Variants in CLTCL1 observed in about 807,000 individuals in gnomAD.
CLTCL1 encodes the protein clathrin heavy chain like 1.
Under a neutral mutation model 190.0 loss-of-function variants are expected in CLTCL1, and 159 were observed. That is an observed-to-expected ratio of 0.84 (90% CI 0.74 to 0.95). CLTCL1 has a LOEUF of 0.95. Among genes scored for constraint, CLTCL1 ranks in the 40% least tolerant of loss-of-function variants. CLTCL1 has a pLI of 0.00. For synonymous variants in CLTCL1, 752 were observed against 769.6 expected (o/e 0.98, Z 0.38); for missense variants, 1,878 against 2,033.4 (o/e 0.92, Z 1.47).
chr22:19,291,685 T>C lies in CLTCL1; in HGVS notation c.-44A>G, dbSNP rs375418224. On this transcript the variant is annotated 5_prime_UTR_variant, in exon 1 of 33. Transcript: ENST00000427926. The stretch of plus-strand genomic sequence containing the variant: ...GCGGCGGCGGCGGCAGCGGCAGGAA[T>C]GAACGCCGACCCCTCGCGCGGGCTG... 162 of 1,340,368 alleles carry C rather than the reference T, an allele frequency of 1.2e-4. 2 individuals are homozygous for C. The East Asian group carries it at 3.0e-3, about 25-fold the overall frequency. 83.0% of individuals were successfully genotyped at this position (1,340,368 alleles called of 1,614,324 possible). A position where few individuals can be genotyped will look rare whatever the true frequency, so the allele number is the denominator to read the frequency against.
intron 2 of CLTCL1, among the ~76,000 whole-genome samples, chr22:19,270,656 G>C (rs2146254028): frequency 6.6e-6 from 1 of 150,718 alleles, no homozygotes; most frequent in Non-Finnish European, 1.5e-5. Flanking sequence ...GAACCCGGGA[G>C]GCAGAGGTTG....
chr22:19,196,856 C>A (rs888861107), intron 24 of CLTCL1, among the ~76,000 whole-genome samples, 200 bp from the exon 25 acceptor site: 1 of 152,132 alleles, frequency 6.6e-6, no homozygotes, highest in African/African-American at 2.4e-5. Flanking sequence ...CTGACAATTA[C>A]CAGTGGCACA....
intron 1 of CLTCL1, among the ~76,000 whole-genome samples, chr22:19,280,653 T>G (rs1219418344): frequency 6.6e-6 from 1 of 151,390 alleles, no homozygotes; most frequent in Non-Finnish European, 1.5e-5. Flanking sequence ...ACCCTGTCTC[T>G]ATCAAAAATA....
In CLTCL1 at chr22:19,235,168, CT is replaced by C. The variant is rs546447360; in HGVS notation, c.970-463del. ...TATAGGAATCAGCCACTGTTCCCGA[CT>C]TTTTTTTTTTTTTCCCCTGAGACAG... is the stretch of plus-strand genomic sequence containing the variant. On this transcript the variant is annotated intron_variant, in intron 6 of 32. Transcript: ENST00000427926. 4.0e-3 allele frequency among the ~76,000 whole-genome samples: 569 copies of C among 143,174 alleles called. 3 individuals carry two copies. Among genetic ancestry groups the C allele is most frequent in the African/African-American group, 7.8e-3 (306 of 39,298 alleles). 93.9% of individuals were successfully genotyped at this position (143,174 alleles called of 152,430 possible). A position where few individuals can be genotyped will look rare whatever the true frequency, so the allele number is the denominator to read the frequency against.
chr22:19,196,721 C>A, intron 24 of CLTCL1, 65 bp from the exon 25 acceptor site: 1 of 1,544,538 alleles, frequency 6.5e-7, no homozygotes, highest in East Asian at 2.4e-5. Context: ...ACCCTCCAGC[C>A]CATGCCCACG....
At chr22:19,227,842 G>A (rs1213213457) in intron 11 of CLTCL1, among the ~76,000 whole-genome samples, 2 of 152,042 alleles carry the variant, frequency 1.3e-5, no homozygotes, top group African/African-American at 4.8e-5. Flanking sequence ...TGCTCACCTT[G>A]GCCTCCAAAA....
chr22:19,262,539 G>A (rs1258469333), intron 2 of CLTCL1, among the ~76,000 whole-genome samples: 1 of 151,340 alleles, frequency 6.6e-6, no homozygotes, highest in Non-Finnish European at 1.5e-5. Context: ...GGCTGAGGCA[G>A]GAGAATGGCA....
Position 19,207,542 on chromosome 22 carries a change from G to A in CLTCL1, c.3600+612C>T, listed in dbSNP as rs7364179. 5.6e-3 allele frequency: 2,242 copies of A among 401,858 alleles called. 41 individuals are homozygous for A. The highest frequency in any genetic ancestry group is 0.042 in the African/African-American group (2,054 of 48,682). 24.9% of individuals were successfully genotyped at this position (401,858 alleles called of 1,614,324 possible). ...CTTCCTCGTGTGGCTTGCTTCTCAT[G>A]ATCTTTATCTGCATCACACTAAAGC... On this transcript the variant is annotated intron_variant, in intron 22 of 32. Coordinates refer to ENST00000427926, the MANE Select transcript of CLTCL1 (RefSeq NM_007098.4).
rs1186363957 is a variant in CLTCL1 at position 19,259,385 on chromosome 22, C to T, written c.251-5158G>A. On this transcript the variant is annotated intron_variant, in intron 2 of 32. Transcript: ENST00000427926. ...CCTCCCAAAGTGCTGGGATTACAGG[C>T]GTTTTTTTTGTTTTGTGAACAACAA... Among the ~76,000 whole-genome samples, 16 of 152,052 alleles carry T rather than the reference C, an allele frequency of 1.1e-4. No homozygotes were observed. In the East Asian group the frequency reaches 1.9e-3, roughly 18 times the overall value.
Position 19,202,118 on chromosome 22 carries a change from T to C in CLTCL1, c.3601-625A>G, listed in dbSNP as rs2084905750. Among the ~76,000 whole-genome samples, 3 of 152,130 alleles carry C rather than the reference T, an allele frequency of 2.0e-5. No homozygotes were observed. In the South Asian group the frequency reaches 6.2e-4, roughly 32 times the overall value. ...CAGTCCAGTGACTGGACTGAATTCCTGCAGCCCTGTCCATGCCCAACTTGC... is the reference window on the plus strand; with the variant it reads ...CAGTCCAGTGACTGGACTGAATTCCCGCAGCCCTGTCCATGCCCAACTTGC... On this transcript the variant is annotated intron_variant, in intron 22 of 32. Coordinates refer to ENST00000427926, the MANE Select transcript of CLTCL1 (RefSeq NM_007098.4).
chr22:19,288,418 T>A (rs113808950), intron 1 of CLTCL1, among the ~76,000 whole-genome samples: 4,341 of 152,314 alleles, frequency 0.029, 202 homozygotes, highest in African/African-American at 0.098. Flanking sequence ...ATATTCCCCA[T>A]GGGTAAATCG....
intron 27 of CLTCL1, among the ~76,000 whole-genome samples, chr22:19,190,725 GA>G (rs1358376678): frequency 6.6e-6 from 1 of 151,540 alleles, no homozygotes; most frequent in Non-Finnish European, 1.5e-5. Flanking sequence ...CATGCTGTTG[GA>G]AAAATGGTGC....
At chr22:19,221,283 C>G in intron 17 of CLTCL1, 94 bp downstream of exon 17, 1 of 924,490 alleles carries the variant, frequency 1.1e-6, no homozygotes, top group Non-Finnish European at 1.6e-6. Context: ...TCCAGGTGCA[C>G]AGAAAGCCCT....
intron 26 of CLTCL1, among the ~76,000 whole-genome samples, chr22:19,193,809 T>C (rs2084599471): frequency 6.6e-6 from 1 of 152,178 alleles, no homozygotes; most frequent in African/African-American, 2.4e-5. Context: ...TTCTGGTGGG[T>C]TCGTGATCTG....
intron 10 of CLTCL1, among the ~76,000 whole-genome samples, chr22:19,230,401 GC>G (rs2085885315): frequency 1.3e-5 from 2 of 152,060 alleles, no homozygotes; most frequent in African/African-American, 4.8e-5. Flanking sequence ...ACTGCGCCCG[GC>G]CCCTTTCCAT....
chr22:19,203,340 C>A (rs73877050), intron 22 of CLTCL1, among the ~76,000 whole-genome samples: 7,213 of 152,146 alleles, frequency 0.047, 596 homozygotes, highest in African/African-American at 0.16. Context: ...TAAAACTAAT[C>A]CAACTTGCTC....
chr22:19,262,973 G>C (rs1169182871), intron 2 of CLTCL1, among the ~76,000 whole-genome samples: 2 of 149,676 alleles, frequency 1.3e-5, no homozygotes, highest in East Asian at 2.0e-4. Context: ...AGAAGTTGCA[G>C]AGAGTTGAGA....
At chr22:19,241,461 G>A (rs996432516) in intron 4 of CLTCL1, among the ~76,000 whole-genome samples, 2 of 152,220 alleles carry the variant, frequency 1.3e-5, no homozygotes, top group African/African-American at 4.8e-5. Context: ...TTTCCTTCTG[G>A]CTCTCAAATG....
intron 1 of CLTCL1, among the ~76,000 whole-genome samples, chr22:19,282,085 C>T (rs1222447340): frequency 6.6e-5 from 10 of 152,248 alleles, no homozygotes; most frequent in African/African-American, 2.2e-4. Flanking sequence ...AATCCTAGCA[C>T]TTTGGGAGGT....
Sources: allele counts gnomAD v4.1 joint callset (sites outside exome capture counted in the v4.1 genomes callset), GRCh38; gene constraint gnomAD v4.1.1; transcripts MANE v1.5; gene names NCBI Gene and HGNC (gene_info 2026-07-23, HGNC 2026-07-21).